Variants in MMP20 observed in about 807,000 individuals in gnomAD.
MMP20 encodes matrix metallopeptidase 20.
MMP20 carries 50 observed loss-of-function variants against 51.8 expected under a neutral mutation model. The ratio of observed to expected loss-of-function variants is 0.97; its 90% confidence interval spans 0.77 to 1.22. The LOEUF (loss-of-function observed/expected upper bound fraction) is 1.22, where lower values mean the gene tolerates loss of function less well. Ranked by LOEUF, MMP20 falls within the 50% of genes most tolerant of loss-of-function variation. The pLI is 0.00. For synonymous variants in MMP20, 244 were observed against 216.2 expected, an observed-to-expected ratio of 1.13 and a Z score of -1.13; for missense variants, 663 against 601.4, an observed-to-expected ratio of 1.10 and a Z score of -1.07.
intron 1 of MMP20, among the ~76,000 whole-genome samples, chr11:102,622,594 A>G (rs1370872253): frequency 6.6e-6 from 1 of 152,082 alleles, no homozygotes; most frequent in Non-Finnish European, 1.5e-5. Flanking sequence ...CCACTGTCCC[A>G]GTCAGCAACA....
chr11:102,589,743 A>G (rs1003434448), intron 8 of MMP20, among the ~76,000 whole-genome samples: 2 of 152,220 alleles, frequency 1.3e-5, no homozygotes, highest in Non-Finnish European at 2.9e-5. Flanking sequence ...CTGACACATA[A>G]TATGTCTAAT....
intron 9 of MMP20, 30 bp from the exon 10 acceptor site, chr11:102,577,456 C>T (rs1356303811): frequency 7.0e-7 from 1 of 1,427,238 alleles, no homozygotes; most frequent in Non-Finnish European, 9.9e-7. Flanking sequence ...AATTGGGTTA[C>T]TGAAGATGTC....
In MMP20 at chr11:102,577,444, G is replaced by T; in HGVS notation, c.1352-18C>A. 6.4e-7 allele frequency: 1 copy of T among 1,557,450 alleles called. No individual in the cohort carries two copies. Among genetic ancestry groups the T allele is most frequent in the Non-Finnish European group, 8.9e-7 (1 of 1,128,744 alleles). On this transcript the variant is annotated intron_variant, in intron 9 of 9. Coordinates refer to ENST00000260228, the MANE Select transcript of MMP20 (RefSeq NM_004771.4). ...AATGTAGCCTAAAAGAGACAAAGTTGAAATTGGGTTACTGAAGATGTCCAG... is the reference window on the plus strand; with the variant it reads ...AATGTAGCCTAAAAGAGACAAAGTTTAAATTGGGTTACTGAAGATGTCCAG...
chr11:102,606,800 T>G, intron 5 of MMP20, 124 bp from the exon 6 acceptor site: 1 of 1,170,528 alleles, frequency 8.5e-7, no homozygotes, highest in South Asian at 1.3e-5. Context: ...TCATGGCTGT[T>G]GAGGGCAGGT....
chr11:102,624,652 G>A (rs1859796521), intron 1 of MMP20, among the ~76,000 whole-genome samples: 1 of 152,038 alleles, frequency 6.6e-6, no homozygotes, highest in South Asian at 2.1e-4. Flanking sequence ...TGGGGAATAT[G>A]CTTTAGGGAG....
chr11:102,623,922 A>G (rs1433437737), intron 1 of MMP20, among the ~76,000 whole-genome samples: 1 of 152,220 alleles, frequency 6.6e-6, no homozygotes, highest in East Asian at 1.9e-4. Context: ...ACAAAATACA[A>G]TTGAATAAGG....
At chr11:102,594,284 T>A (rs1859353151) in intron 7 of MMP20, among the ~76,000 whole-genome samples, 1 of 152,196 alleles carries the variant, frequency 6.6e-6, no homozygotes, top group South Asian at 2.1e-4. Flanking sequence ...CACACTGGCT[T>A]TTATTTATTA....
intron 8 of MMP20, among the ~76,000 whole-genome samples, chr11:102,581,550 G>A (rs371442996): frequency 9.2e-5 from 14 of 152,158 alleles, no homozygotes; most frequent in African/African-American, 2.9e-4. Flanking sequence ...TGAAGATCAC[G>A]GGGATTTTTA....
intron 8 of MMP20, among the ~76,000 whole-genome samples, chr11:102,586,647 A>C (rs1484580924): frequency 1.3e-5 from 2 of 151,936 alleles, no homozygotes; most frequent in East Asian, 3.9e-4. Flanking sequence ...CCCCATCTCT[A>C]CTAAAAAATA....
intron 6 of MMP20, among the ~76,000 whole-genome samples, chr11:102,604,436 C>T (rs1859488445): frequency 6.6e-6 from 1 of 152,204 alleles, no homozygotes; most frequent in Admixed American, 6.5e-5. Context: ...AAATTGGGTT[C>T]TCTAAATACC....
At chr11:102,612,378 T>C (rs1284488070) in intron 2 of MMP20, among the ~76,000 whole-genome samples, 2 of 152,166 alleles carry the variant, frequency 1.3e-5, no homozygotes, top group Non-Finnish European at 2.9e-5. Context: ...GGCAGAAGAA[T>C]CATTTGAACC....
At chr11:102,608,497 C>T (rs1018531589) in intron 5 of MMP20, among the ~76,000 whole-genome samples, 2 of 152,190 alleles carry the variant, frequency 1.3e-5, no homozygotes, top group African/African-American at 4.8e-5. Context: ...TAAGACTACA[C>T]ACATGAACCT....
intron 8 of MMP20, among the ~76,000 whole-genome samples, chr11:102,582,305 G>T (rs528672612): frequency 6.6e-6 from 1 of 152,118 alleles, no homozygotes. Context: ...CCTCTTAGAA[G>T]CACTAAATGG....
intron 8 of MMP20, among the ~76,000 whole-genome samples, chr11:102,581,674 T>C (rs1293876466): frequency 6.6e-6 from 1 of 152,194 alleles, no homozygotes; most frequent in East Asian, 1.9e-4. Context: ...TGGACCACTG[T>C]AGCTGTGTGA....
At chr11:102,581,016 C>T (rs1423134558) in intron 8 of MMP20, among the ~76,000 whole-genome samples, 1 of 152,182 alleles carries the variant, frequency 6.6e-6, no homozygotes, top group African/African-American at 2.4e-5. Context: ...TCAACAGATA[C>T]AGTCTGATGG....
intron 1 of MMP20, among the ~76,000 whole-genome samples, chr11:102,624,609 G>T (rs892962881): frequency 6.6e-6 from 1 of 152,112 alleles, no homozygotes; most frequent in Admixed American, 6.5e-5. Context: ...CATAAACTTT[G>T]TTATGTACTT....
chr11:102,614,817 C>A (rs202222913), intron 2 of MMP20, among the ~76,000 whole-genome samples: 1 of 150,932 alleles, frequency 6.6e-6, no homozygotes. Flanking sequence ...AAAAAAAACC[C>A]ACTTGATTTG....
Position 102,579,200 on chromosome 11 carries a change from T to C in MMP20, c.1248-58A>G, listed in dbSNP as rs10502004. 0.051 allele frequency: 61,955 copies of C among 1,218,770 alleles called. 1,957 individuals carry two copies. Among genetic ancestry groups the C allele is most frequent in the Non-Finnish European group, 0.059 (49,331 of 836,018 alleles). 75.5% of individuals were successfully genotyped at this position (1,218,770 alleles called of 1,614,324 possible). The stretch of plus-strand genomic sequence containing the variant: ...CTAAGAGGTTTTTACTGGTTGTAGA[T>C]GACACTATACTGGTCAGGCATATGG... On this transcript the variant is annotated intron_variant, in intron 8 of 9. Coordinates refer to ENST00000260228, the MANE Select transcript of MMP20 (RefSeq NM_004771.4).
intron 8 of MMP20, among the ~76,000 whole-genome samples, chr11:102,590,734 G>A (rs974015105): frequency 3.3e-5 from 5 of 152,162 alleles, no homozygotes; most frequent in Non-Finnish European, 5.9e-5. Flanking sequence ...ATAACTTGAG[G>A]CTTGGGACCT....
Sources: allele counts gnomAD v4.1 joint callset (sites outside exome capture counted in the v4.1 genomes callset), GRCh38; gene constraint gnomAD v4.1.1; transcripts MANE v1.5; gene names NCBI Gene and HGNC (gene_info 2026-07-23, HGNC 2026-07-21).